The following GAB4 variants were observed in gnomAD, a reference collection of about 807,000 sequenced individuals.
The protein encoded by GAB4 is GRB2 associated binding protein family member 4.
GAB4 carries 26 observed loss-of-function variants against 51.3 expected under a neutral mutation model. The observed-to-expected ratio is 0.51, with a 90% CI of 0.37 to 0.70. The LOEUF (loss-of-function observed/expected upper bound fraction) is 0.70. Among genes scored for constraint, GAB4 ranks in the 30% least tolerant of loss-of-function variants. GAB4 has a pLI of 0.00. For missense variants in GAB4, 759 were observed against 734.6 expected (o/e 1.03, Z -0.38); for synonymous variants, 329 against 291.2 (o/e 1.13, Z -1.32).
intron 3 of GAB4, among the ~76,000 whole-genome samples, chr22:16,972,096 C>T (rs929756140): frequency 6.6e-6 from 1 of 152,216 alleles, no homozygotes; most frequent in Non-Finnish European, 1.5e-5. Context: ...GGTGGATATG[C>T]CACCTGGATT....
At chr22:16,979,819 G>A (rs886842562) in intron 3 of GAB4, among the ~76,000 whole-genome samples, 1 of 152,144 alleles carries the variant, frequency 6.6e-6, no homozygotes, top group African/African-American at 2.4e-5. Flanking sequence ...CAGATATACT[G>A]ACCAATGGAA....
Position 16,966,213 on chromosome 22 carries a change from C to A in GAB4, c.1175G>T (p.Arg392Leu), listed in dbSNP as rs775701155. The stretch of plus-strand genomic sequence containing the variant: ...GAGTGGGGAGCCAAGCAGGTCAAAG[C>A]GAACAAGACATGAGCCCACAGGGAT... Reference protein sequence around the residue: ...VCIPVGSCLVRFDLLGSPLTE... With the variant: ...VCIPVGSCLVLFDLLGSPLTE... Residue 392 changes from arginine (R) to leucine (L), a missense_variant, in exon 6 of 10, where the codon CGC becomes CTC. Around this residue, in one of 3 missense-constraint regions of GAB4, gnomAD observed 588 missense variants for 510.2 expected, o/e 1.15. Transcript: ENST00000400588. The A allele has an allele frequency of 1.2e-6, 2 of 1,613,930 alleles. No homozygotes were observed. Among genetic ancestry groups the A allele is most frequent in the African/African-American group, 1.3e-5 (1 of 74,892 alleles).
chr22:16,972,927 T>G (rs1334684778), intron 3 of GAB4, among the ~76,000 whole-genome samples: 1 of 152,122 alleles, frequency 6.6e-6, no homozygotes, highest in Non-Finnish European at 1.5e-5. Context: ...TCCAGTCTTT[T>G]CTTCCTAGTT....
Position 16,978,947 on chromosome 22 carries a change from T to C in GAB4, c.687-8754A>G, listed in dbSNP as rs147260714. Reference sequence around the variant, plus strand: ...GACAAAAACCACATGATTATCTCAATAGATGCAGAAAAGGCCTTCAATAAA... The same window carrying C: ...GACAAAAACCACATGATTATCTCAACAGATGCAGAAAAGGCCTTCAATAAA... On this transcript the variant is annotated intron_variant, in intron 3 of 9. Coordinates refer to ENST00000400588, the MANE Select transcript of GAB4 (RefSeq NM_001037814.1). Among the ~76,000 whole-genome samples, 622 of 152,252 alleles carry C rather than the reference T, an allele frequency of 4.1e-3. 1 individual carries two copies. The highest frequency in any genetic ancestry group is 0.024 in the Middle Eastern group (7 of 294).
intron 6 of GAB4, among the ~76,000 whole-genome samples, chr22:16,965,763 C>A (rs897912228): frequency 2.0e-5 from 3 of 152,188 alleles, no homozygotes; most frequent in Non-Finnish European, 4.4e-5. Context: ...TATCCCACTC[C>A]TTCCTTGAAC....
In GAB4 at chr22:16,969,167, C is replaced by T. The variant is rs115016431; in HGVS notation, c.937+776G>A. 6.0e-3 allele frequency among the ~76,000 whole-genome samples: 916 copies of T among 152,318 alleles called. 9 individuals carry two copies. The highest frequency in any genetic ancestry group is 0.02 in the African/African-American group (850 of 41,578). On this transcript the variant is annotated intron_variant, in intron 4 of 9. Transcript: ENST00000400588. ...TAGGTATTTCAAATACAAGTTTAGG[C>T]TTCAAACAAAGAGACCCAAATATAG...
intron 2 of GAB4, among the ~76,000 whole-genome samples, chr22:16,989,242 T>C (rs1290520277): frequency 6.6e-6 from 1 of 152,244 alleles, no homozygotes; most frequent in Non-Finnish European, 1.5e-5. Context: ...ACAGGTGTAA[T>C]TTCAAATGAT....
At chr22:16,981,628 T>C (rs1293149440) in intron 3 of GAB4, among the ~76,000 whole-genome samples, 1 of 152,028 alleles carries the variant, frequency 6.6e-6, no homozygotes, top group Admixed American at 6.6e-5. Context: ...GACACAGTAA[T>C]AAACTCCCAT....
At chr22:17,005,483 C>T (rs555949488) in intron 1 of GAB4, among the ~76,000 whole-genome samples, 29 of 152,268 alleles carry the variant, frequency 1.9e-4, no homozygotes, top group African/African-American at 5.5e-4. Flanking sequence ...ACTTTCTTCA[C>T]AGAATTAGAA....
In GAB4 at chr22:16,988,132, G is replaced by A. The variant is rs1164685619; in HGVS notation, c.514C>T (p.Leu172Phe). 1 of 1,613,052 alleles carries A rather than the reference G, an allele frequency of 6.2e-7. No individual in the cohort carries two copies. The highest frequency in any genetic ancestry group is 1.3e-5 in the African/African-American group (1 of 74,948). Residue 172 changes from leucine (L) to phenylalanine (F), a missense_variant, in exon 3 of 10, where the codon CTC (leucine) becomes TTC (phenylalanine). By Grantham distance (22) the Leu-to-Phe change is conservative. Transcript: ENST00000400588. ...LGNISSASHG[L>F]CSSPAEPSCS... ...CTGGGCTCAGCTGGAGAAGAGCAGA[G>A]GCCGTGACTGGCTGAGGAAATGTTT...
chr22:17,003,151 C>A lies in GAB4; in HGVS notation c.174+4790G>T, dbSNP rs187901511. Among the ~76,000 whole-genome samples the A allele has an allele frequency of 2.0e-5, 3 of 152,238 alleles. No homozygotes were observed. In the East Asian group the frequency reaches 5.8e-4, roughly 29 times the overall value. On this transcript the variant is annotated intron_variant, in intron 1 of 9. Coordinates refer to ENST00000400588, the MANE Select transcript of GAB4 (RefSeq NM_001037814.1). The stretch of plus-strand genomic sequence containing the variant: ...GCTAACTACCCTAAATATATATGCA[C>A]CCAAGACAGGGGCACCCAGATTCAT...
chr22:16,987,524 T>A (rs921138878), intron 3 of GAB4, among the ~76,000 whole-genome samples: 1 of 152,254 alleles, frequency 6.6e-6, no homozygotes, highest in African/African-American at 2.4e-5. Flanking sequence ...TTAGCTTAAA[T>A]TTAAATAGCC....
intron 2 of GAB4, among the ~76,000 whole-genome samples, chr22:16,989,126 G>T (rs934973932): frequency 6.6e-6 from 1 of 152,130 alleles, no homozygotes; most frequent in Non-Finnish European, 1.5e-5. Flanking sequence ...CAGAAGCCAG[G>T]TACATAGATA....
At chr22:16,965,934 C>T (rs957313230) in intron 6 of GAB4, among the ~76,000 whole-genome samples, 166 bp downstream of exon 6, 5 of 152,332 alleles carry the variant, frequency 3.3e-5, no homozygotes, top group Admixed American at 1.3e-4. Flanking sequence ...CAAACAAACC[C>T]GGGAAGTAGG....
At chr22:16,979,294 C>T (rs2060807528) in intron 3 of GAB4, among the ~76,000 whole-genome samples, 1 of 152,138 alleles carries the variant, frequency 6.6e-6, no homozygotes, top group African/African-American at 2.4e-5. Flanking sequence ...CTGTCTCAGC[C>T]CCAAATCTCC....
chr22:16,977,245 A>C (rs2060786470), intron 3 of GAB4, among the ~76,000 whole-genome samples: 1 of 152,182 alleles, frequency 6.6e-6, no homozygotes, highest in African/African-American at 2.4e-5. Context: ...TAAAGAGTCA[A>C]GACCCATCGG....
chr22:16,966,622 A>G (rs1273814829), intron 5 of GAB4: 2 of 484,368 alleles, frequency 4.1e-6, no homozygotes, highest in South Asian at 3.0e-5. Flanking sequence ...CACAGTCAAC[A>G]TGTAAAAGTG....
Position 16,962,654 on chromosome 22 carries a change from T to G in GAB4, c.*79A>C. On this transcript the variant is annotated 3_prime_UTR_variant, in exon 10 of 10. Coordinates refer to ENST00000400588, the MANE Select transcript of GAB4 (RefSeq NM_001037814.1). ...CTCTCTATGTAAGGGATGCGGTCCC[T>G]GATATTACAGAGCTTTAGAGTGTGG... 3 of 1,333,684 alleles carry G rather than the reference T, an allele frequency of 2.2e-6. No individual in the cohort carries two copies. The highest frequency in any genetic ancestry group is 1.4e-5 in the South Asian group (1 of 72,280). 82.6% of individuals were successfully genotyped at this position (1,333,684 alleles called of 1,614,324 possible).
intron 1 of GAB4, among the ~76,000 whole-genome samples, chr22:16,998,317 TTG>T (rs1161968274): frequency 6.6e-6 from 1 of 152,218 alleles, no homozygotes; most frequent in African/African-American, 2.4e-5. Context: ...CTCTTTTATT[TTG>T]CTGAGCAGTG....
Sources: gnomAD v4.1 joint callset for allele counts (sites outside exome capture counted in the v4.1 genomes callset) on GRCh38, gnomAD v4.1.1 for gene constraint, gnomAD v4.1.1 regional missense constraint, MANE v1.5 for transcripts, NCBI Gene and HGNC (gene_info 2026-07-23, HGNC 2026-07-21) for gene names.